SV2C: variants seen among roughly 807,000 people sequenced by gnomAD.
SV2C encodes synaptic vesicle glycoprotein 2C.
Under a neutral mutation model 79.7 loss-of-function variants are expected in SV2C, and 49 were observed. The observed-to-expected ratio is 0.61, with a 90% CI of 0.49 to 0.78. SV2C has a LOEUF of 0.78. Ranked by LOEUF, SV2C falls within the 30% of genes least tolerant of loss-of-function variation. The pLI is 0.00. For missense variants in SV2C, 833 were observed against 912.9 expected, an observed-to-expected ratio of 0.91 and a Z score of 1.13; for synonymous variants, 334 against 333.2, an observed-to-expected ratio of 1.00 and a Z score of -0.03.
chr5:76,121,343 CT>C (rs1233642324), intron 1 of SV2C, among the ~76,000 whole-genome samples: 1 of 151,970 alleles, frequency 6.6e-6, no homozygotes, highest in Non-Finnish European at 1.5e-5. Context: ...ATGGTAGTTT[CT>C]TTTCCTGTGC....
At chr5:75,867,550 G>A in the SV2C span, among the ~76,000 whole-genome samples, 1 of 152,196 alleles carries the variant, frequency 6.6e-6, no homozygotes, top group Admixed American at 6.5e-5. Flanking sequence ...TAAATGGTCT[G>A]CCATTAGGTC....
intron 3 of SV2C, among the ~76,000 whole-genome samples, chr5:76,207,075 C>T (rs940588055): frequency 6.6e-6 from 1 of 151,902 alleles, no homozygotes; most frequent in African/African-American, 2.4e-5. Flanking sequence ...CTAGAAGCCC[C>T]TACAAGTTGG....
At chr5:76,241,673 C>A (rs11748512) in intron 4 of SV2C, among the ~76,000 whole-genome samples, 125,000 of 150,592 alleles carry the variant, frequency 0.83, 52,361 homozygotes, top group African/African-American at 0.94. Context: ...GAAAGGGAGA[C>A]GAGGACATAA....
the SV2C span, among the ~76,000 whole-genome samples, chr5:75,864,738 G>C: frequency 6.6e-6 from 1 of 152,200 alleles, no homozygotes; most frequent in African/African-American, 2.4e-5. Context: ...TTCCTTCAAA[G>C]TAAAAGTAAC....
At chr5:75,861,608 A>G in the SV2C span, among the ~76,000 whole-genome samples, 1 of 150,454 alleles carries the variant, frequency 6.6e-6, no homozygotes, top group Non-Finnish European at 1.5e-5. Flanking sequence ...TAAAAAAAAC[A>G]TGGTACATAC....
chr5:76,318,489 C>T lies in SV2C; in HGVS notation c.2001-6875C>T, dbSNP rs959443939. ...ACTAGAACCCAATAAATCGTGAAGG[C>T]CCCAGAGAGGGAGCCACCATCCAGC... is the stretch of plus-strand genomic sequence containing the variant. On this transcript the variant is annotated intron_variant, in intron 12 of 12. Coordinates refer to ENST00000502798, the MANE Select transcript of SV2C (RefSeq NM_014979.4). Among the ~76,000 whole-genome samples, 6 of 152,156 alleles carry T rather than the reference C, an allele frequency of 3.9e-5. No homozygotes were observed. The East Asian group carries it at 9.7e-4, about 24-fold the overall frequency.
chr5:76,343,351 C>T (rs1749478821), intron 12 of SV2C, among the ~76,000 whole-genome samples: 1 of 151,844 alleles, frequency 6.6e-6, no homozygotes, highest in Non-Finnish European at 1.5e-5. Flanking sequence ...TGAAGAATTC[C>T]TACAAATCAA....
intron 1 of SV2C, among the ~76,000 whole-genome samples, chr5:76,099,527 C>A (rs1747670629): frequency 6.6e-6 from 1 of 152,108 alleles, no homozygotes; most frequent in African/African-American, 2.4e-5. Flanking sequence ...GTTTCCTTCT[C>A]TCTCAGGATA....
chr5:75,851,185 A>G, the SV2C span, among the ~76,000 whole-genome samples: 1 of 152,246 alleles, frequency 6.6e-6, no homozygotes, highest in East Asian at 1.9e-4. Context: ...AGCAGAAATT[A>G]TCATCTAACA....
At chr5:76,148,378 A>C (rs56279201) in intron 2 of SV2C, among the ~76,000 whole-genome samples, 60,602 of 151,990 alleles carry the variant, frequency 0.4, 12,822 homozygotes, top group Middle Eastern at 0.5. Flanking sequence ...AAGATTTAAA[A>C]TTTTTAACTC....
chr5:76,011,326 CT>C, the SV2C span, among the ~76,000 whole-genome samples: 1 of 152,076 alleles, frequency 6.6e-6, no homozygotes, highest in South Asian at 2.1e-4. Flanking sequence ...TCATTTAACC[CT>C]CAAAATAACT....
chr5:76,136,425 GA>G (rs1749071000), intron 2 of SV2C, among the ~76,000 whole-genome samples: 1 of 152,198 alleles, frequency 6.6e-6, no homozygotes, highest in Non-Finnish European at 1.5e-5. Context: ...AAAGTACATT[GA>G]GAGGATATTC....
At chr5:75,881,906 C>A in the SV2C span, among the ~76,000 whole-genome samples, 1 of 146,772 alleles carries the variant, frequency 6.8e-6, no homozygotes, top group African/African-American at 2.6e-5. Context: ...CCAGTTTTTG[C>A]CCATTCAGTA....
rs1749040634 is a variant in SV2C at position 76,327,289 on chromosome 5, G to A, written c.*1742G>A. ...TGGTGTTGGGGGCAGTGGGAAGAGG[G>A]TGGTTCCCTGGGGGTCTGTGATCAG... On this transcript the variant is annotated 3_prime_UTR_variant, in exon 13 of 13. Coordinates refer to ENST00000502798, the MANE Select transcript of SV2C (RefSeq NM_014979.4). The A allele has an allele frequency of 6.6e-6, 1 of 152,206 alleles. No homozygotes were observed. The highest frequency in any genetic ancestry group is 1.5e-5 in the Non-Finnish European group (1 of 68,066). The allele number at this position is 152,206 out of a possible 1,614,324, so 9.4% of individuals were successfully genotyped here.
the SV2C span, among the ~76,000 whole-genome samples, chr5:75,942,929 C>A: frequency 6.6e-6 from 1 of 152,146 alleles, no homozygotes; most frequent in Non-Finnish European, 1.5e-5. Context: ...ACTAGGGAGG[C>A]TGAGTCTGGA....
chr5:75,904,855 G>A, the SV2C span, among the ~76,000 whole-genome samples: 1 of 152,184 alleles, frequency 6.6e-6, no homozygotes, highest in African/African-American at 2.4e-5. Context: ...GTATATCTTA[G>A]CGAGAATTAA....
chr5:75,931,904 C>A, the SV2C span, among the ~76,000 whole-genome samples: 5 of 152,190 alleles, frequency 3.3e-5, no homozygotes, highest in African/African-American at 9.6e-5. Flanking sequence ...TCCACTCCTT[C>A]CTTCCTAGCC....
intron 1 of SV2C, among the ~76,000 whole-genome samples, chr5:76,120,105 G>A (rs150317596): frequency 1.3e-5 from 2 of 152,200 alleles, no homozygotes; most frequent in African/African-American, 4.8e-5. Flanking sequence ...TGTATCAAAA[G>A]ACAACATTGT....
chr5:76,022,033 A>G, the SV2C span, among the ~76,000 whole-genome samples: 1 of 152,192 alleles, frequency 6.6e-6, no homozygotes, highest in African/African-American at 2.4e-5. Flanking sequence ...CAAGGAGCCA[A>G]GGTTAAAACG....
Sources: gnomAD v4.1 joint callset for allele counts (sites outside exome capture counted in the v4.1 genomes callset) on GRCh38, gnomAD v4.1.1 for gene constraint, MANE v1.5 for transcripts, NCBI Gene and HGNC (gene_info 2026-07-23, HGNC 2026-07-21) for gene names.